The following LPIN1 variants were observed in gnomAD, a reference collection of about 807,000 sequenced individuals.
LPIN1 encodes the protein phosphatidate phosphatase LPIN1.
LPIN1 carries 71 observed loss-of-function variants against 107.5 expected under a neutral mutation model. That is an observed-to-expected ratio of 0.66 (90% CI 0.55 to 0.80). LPIN1 has a LOEUF of 0.80. LPIN1 is among the 30% of genes least tolerant of loss of function. The pLI is 0.00. For synonymous variants in LPIN1, 445 were observed against 452.6 expected (o/e 0.98, Z 0.21); for missense variants, 1,043 against 1,160.6 (o/e 0.90, Z 1.47).
intron 9 of LPIN1, chr2:11,784,438 C>G: frequency 9.0e-7 from 1 of 1,108,938 alleles, no homozygotes; most frequent in Non-Finnish European, 1.1e-6. Context: ...GGCGCAGCAC[C>G]GGGCTGCCCT....
intron 20 of LPIN1, among the ~76,000 whole-genome samples, chr2:11,821,411 GGA>G (rs1320550653): frequency 6.6e-6 from 1 of 152,198 alleles, no homozygotes; most frequent in African/African-American, 2.4e-5. Flanking sequence ...CAGCTACTCA[GGA>G]GGCTGAGACA....
chr2:11,763,757 C>T (rs1670236829), intron 1 of LPIN1, among the ~76,000 whole-genome samples: 1 of 151,944 alleles, frequency 6.6e-6, no homozygotes, highest in Non-Finnish European at 1.5e-5. Flanking sequence ...GGGTGCAGCT[C>T]CCTCTTCCAG....
At chr2:11,690,587 A>C (rs1662220627) in intron 1 of LPIN1, among the ~76,000 whole-genome samples, 1 of 152,170 alleles carries the variant, frequency 6.6e-6, no homozygotes, top group Non-Finnish European at 1.5e-5. Context: ...ACGATTAGAC[A>C]CAAATTTGAA....
intron 12 of LPIN1, among the ~76,000 whole-genome samples, chr2:11,789,503 C>A (rs373479197): frequency 6.9e-6 from 1 of 145,750 alleles, no homozygotes; most frequent in East Asian, 2.0e-4. Flanking sequence ...CGTGTGTGCG[C>A]GTGTGCATGT....
chr2:11,716,729 T>C (rs1349833079), intron 2 of LPIN1, among the ~76,000 whole-genome samples: 1 of 152,116 alleles, frequency 6.6e-6, no homozygotes, highest in Non-Finnish European at 1.5e-5. Flanking sequence ...GAGGTCAAGC[T>C]CTTGGTTTGA....
chr2:11,818,782 C>T (rs992165822), intron 18 of LPIN1: 3 of 151,718 alleles, frequency 2.0e-5, no homozygotes, highest in Non-Finnish European at 2.9e-5. Context: ...TTTTAGTATT[C>T]CCTTCTATTC....
intron 17 of LPIN1, among the ~76,000 whole-genome samples, chr2:11,809,803 A>C (rs1679344708): frequency 6.6e-6 from 1 of 152,158 alleles, no homozygotes; most frequent in African/African-American, 2.4e-5. Context: ...CTCTGCCAGT[A>C]AGAGATAGGA....
chr2:11,748,108 C>T (rs1667237995), intron 1 of LPIN1, among the ~76,000 whole-genome samples: 1 of 152,180 alleles, frequency 6.6e-6, no homozygotes, highest in African/African-American at 2.4e-5. Context: ...AGGTGAGAGA[C>T]CGCAGGGATT....
chr2:11,759,165 CTTTCTTTCTTTCTTTCTTTCTTTCT>C (rs1262102528), intron 1 of LPIN1, among the ~76,000 whole-genome samples: 5 of 148,992 alleles, frequency 3.4e-5, no homozygotes, highest in African/African-American at 1.3e-4. Context: ...TTCTTTCTTT[CTTTCTTTCTTTCTTTCTTTCTTTCT>C]TTTCTTTCTT....
chr2:11,824,912 C>A lies in LPIN1; in HGVS notation c.*121C>A. On this transcript the variant is annotated 3_prime_UTR_variant, in exon 21 of 21. Coordinates refer to ENST00000674199, the MANE Select transcript of LPIN1 (RefSeq NM_001349206.2). ...TGGCGCGTCATCATTGGCCTGACAG[C>A]AGAGAGAATTGAGAAGCATTTCTCC... 4.3e-6 allele frequency: 5 copies of A among 1,156,240 alleles called. No individual in the cohort carries two copies. The highest frequency in any genetic ancestry group is 6.3e-6 in the Non-Finnish European group (5 of 791,596). The allele number at this position is 1,156,240 out of a possible 1,614,324, so 71.6% of individuals were successfully genotyped here. A position where few individuals can be genotyped will look rare whatever the true frequency, so the allele number is the denominator to read the frequency against.
chr2:11,737,941 G>A (rs535508858), intron 1 of LPIN1, among the ~76,000 whole-genome samples: 1 of 152,192 alleles, frequency 6.6e-6, no homozygotes, highest in Non-Finnish European at 1.5e-5. Flanking sequence ...GCATATGTAT[G>A]TTTATTGCAG....
At chr2:11,734,383 A>C (rs1234933286) in intron 1 of LPIN1, among the ~76,000 whole-genome samples, 2 of 152,204 alleles carry the variant, frequency 1.3e-5, no homozygotes, top group Non-Finnish European at 2.9e-5. Flanking sequence ...AGAGAAACTC[A>C]CCCTTTTTTA....
intron 2 of LPIN1, among the ~76,000 whole-genome samples, chr2:11,714,372 G>A (rs1402024157): frequency 1.3e-5 from 2 of 152,136 alleles, no homozygotes; most frequent in African/African-American, 4.8e-5. Context: ...TGCCCCCGAG[G>A]CTGTCTTTTT....
rs954296929 is a variant in LPIN1, at chr2:11,813,709, G to C, written c.2250-1379G>C. On this transcript the variant is annotated intron_variant, in intron 17 of 20. Coordinates refer to ENST00000674199, the MANE Select transcript of LPIN1 (RefSeq NM_001349206.2). ...ACGGGTGGATCACCTGAGGTCAGGA[G>C]TTCAGGACCAGCCTGGCCAACATGG... Among the ~76,000 whole-genome samples the C allele has an allele frequency of 2.2e-4, 33 of 152,090 alleles. 1 individual carries two copies. The highest frequency in any genetic ancestry group is 1.2e-3 in the Admixed American group (18 of 15,268).
chr2:11,808,870 C>CAAA (rs1205659703), intron 17 of LPIN1, among the ~76,000 whole-genome samples: 1 of 74,092 alleles, frequency 1.3e-5, no homozygotes, highest in African/African-American at 4.6e-5. Flanking sequence ...GACACCATCT[C>CAAA]AAAAAAAAAA....
intron 2 of LPIN1, 176 bp from the exon 3 acceptor site, chr2:11,767,587 T>A (rs1671127636): frequency 3.0e-6 from 2 of 656,094 alleles, no homozygotes. Context: ...CCAGAACTCC[T>A]CCAGTCCTCA....
In LPIN1 at chr2:11,715,020, C is replaced by T. The variant is rs574266107; in HGVS notation, c.138+1208C>T. Among the ~76,000 whole-genome samples, 9 of 152,336 alleles carry T rather than the reference C, an allele frequency of 5.9e-5. No individual in the cohort carries two copies. The South Asian group carries it at 1.5e-3, about 25-fold the overall frequency. ...GAAGTTTTATTTCCAAGGGGATTGG[C>T]AGGGACTGGGGCCAAATGGAGGCCA... On this transcript the variant is annotated intron_variant, in intron 2 of 21. Coordinates refer to the LPIN1 transcript ENST00000449576.
At chr2:11,748,318 A>C (rs2148571368) in intron 1 of LPIN1, among the ~76,000 whole-genome samples, 1 of 152,330 alleles carries the variant, frequency 6.6e-6, no homozygotes, top group South Asian at 2.1e-4. Flanking sequence ...GAAGGTCCTG[A>C]GGCCACCGTG....
chr2:11,758,295 G>A (rs968116932), intron 1 of LPIN1, among the ~76,000 whole-genome samples: 1 of 151,912 alleles, frequency 6.6e-6, no homozygotes, highest in Non-Finnish European at 1.5e-5. Context: ...GGACTGGAAT[G>A]GCTGGATCAT....
Sources: allele counts gnomAD v4.1 joint callset (sites outside exome capture counted in the v4.1 genomes callset), GRCh38; gene constraint gnomAD v4.1.1; transcripts MANE v1.5; gene names NCBI Gene and HGNC (gene_info 2026-07-23, HGNC 2026-07-21).